Variants in MMP16 observed in about 807,000 individuals in gnomAD.
MMP16 encodes matrix metallopeptidase 16.
Under a neutral mutation model 67.8 loss-of-function variants are expected in MMP16, and 12 were observed. The ratio of observed to expected loss-of-function variants is 0.18; its 90% CI spans 0.11 to 0.29. The LOEUF is 0.29. Ranked by LOEUF, MMP16 falls within the 10% of genes least tolerant of loss-of-function variation. The pLI is 1.00. For missense variants in MMP16, 475 were observed against 765.7 expected (o/e 0.62, Z 4.48); for synonymous variants, 249 against 255.9 (o/e 0.97, Z 0.26).
At chr8:88,186,347 T>C in intron 3 of MMP16, 129 bp downstream of exon 3, 1 of 1,221,442 alleles carries the variant, frequency 8.2e-7, no homozygotes. Flanking sequence ...CAATTTTAAA[T>C]CTCTTATGTT....
intron 5 of MMP16, among the ~76,000 whole-genome samples, chr8:88,117,032 G>A (rs953735969): frequency 6.6e-6 from 1 of 152,032 alleles, no homozygotes; most frequent in African/African-American, 2.4e-5. Context: ...TTTTTTGGAA[G>A]TAGGTGGTAT....
chr8:88,276,017 TA>T (rs1810643988), intron 1 of MMP16, among the ~76,000 whole-genome samples: 1 of 152,094 alleles, frequency 6.6e-6, no homozygotes, highest in Non-Finnish European at 1.5e-5. Flanking sequence ...GTTGTAACAT[TA>T]AAATCCTATT....
At chr8:88,098,192 C>A (rs1809062853) in intron 6 of MMP16, among the ~76,000 whole-genome samples, 1 of 151,942 alleles carries the variant, frequency 6.6e-6, no homozygotes, top group Non-Finnish European at 1.5e-5. Flanking sequence ...ACACATTGGA[C>A]TAAGTGTGAG....
intron 1 of MMP16, among the ~76,000 whole-genome samples, chr8:88,216,662 T>C (rs1278831733): frequency 6.6e-6 from 1 of 152,174 alleles, no homozygotes. Flanking sequence ...AGAATGTCTA[T>C]CAAGTTTGTT....
intron 1 of MMP16, among the ~76,000 whole-genome samples, chr8:88,285,400 G>A (rs13277770): frequency 0.61 from 92,334 of 151,962 alleles, 28,855 homozygotes; most frequent in East Asian, 0.82. Flanking sequence ...TCAGCCTCCC[G>A]AAGTGCTGGG....
rs564026669 is a variant in MMP16 at position 88,190,721 on chromosome 8, T to C, written c.282-4123A>G. On this transcript the variant is annotated intron_variant, in intron 2 of 9. Coordinates refer to ENST00000286614, the MANE Select transcript of MMP16 (RefSeq NM_005941.5). ...CACATACAAAGTTAACATATAAGTG[T>C]ATTTTATACATATATATATATAGCT... Among the ~76,000 whole-genome samples the C allele has an allele frequency of 2.7e-4, 41 of 152,298 alleles. 1 individual carries two copies. In the South Asian group the frequency reaches 8.3e-3, roughly 31 times the overall value.
At chr8:88,268,269 G>A (rs1810509683) in intron 1 of MMP16, among the ~76,000 whole-genome samples, 1 of 152,196 alleles carries the variant, frequency 6.6e-6, no homozygotes, top group African/African-American at 2.4e-5. Context: ...TTGAACCTGG[G>A]AGGTGGAGGT....
At chr8:88,074,495 C>T in intron 7 of MMP16, 110 bp downstream of exon 7, 2 of 914,466 alleles carry the variant, frequency 2.2e-6, no homozygotes. Context: ...TAGTTTATTT[C>T]ATTAAATCCA....
chr8:88,262,301 A>G (rs1436786748), intron 1 of MMP16, among the ~76,000 whole-genome samples: 1 of 152,240 alleles, frequency 6.6e-6, no homozygotes, highest in Non-Finnish European at 1.5e-5. Flanking sequence ...AATTTTTTAA[A>G]TATTTCCTTT....
chr8:88,147,911 C>G (rs1285646958), intron 4 of MMP16, among the ~76,000 whole-genome samples: 2 of 152,088 alleles, frequency 1.3e-5, no homozygotes, highest in African/African-American at 4.8e-5. Flanking sequence ...ACTTTGCATA[C>G]TCTTTCCCCC....
intron 1 of MMP16, among the ~76,000 whole-genome samples, chr8:88,290,516 G>A (rs1373194379): frequency 6.6e-6 from 1 of 151,928 alleles, no homozygotes; most frequent in East Asian, 1.9e-4. Flanking sequence ...TTGTGCCACT[G>A]AACTCCAGCC....
intron 4 of MMP16, among the ~76,000 whole-genome samples, chr8:88,123,080 A>C (rs1807867289): frequency 6.6e-6 from 1 of 151,936 alleles, no homozygotes; most frequent in African/African-American, 2.4e-5. Flanking sequence ...ATGTGAGATA[A>C]TAAATTGTTG....
chr8:88,088,196 T>C (rs1411608226), intron 6 of MMP16, among the ~76,000 whole-genome samples: 1 of 148,674 alleles, frequency 6.7e-6, no homozygotes, highest in Non-Finnish European at 1.5e-5. Flanking sequence ...ACCCACAAAA[T>C]GGTGAGCAAA....
chr8:88,264,434 G>C (rs1389195041), intron 1 of MMP16, among the ~76,000 whole-genome samples: 1 of 152,072 alleles, frequency 6.6e-6, no homozygotes, highest in Non-Finnish European at 1.5e-5. Flanking sequence ...CTCCTGGCCT[G>C]AAGTTCTCCT....
intron 1 of MMP16, among the ~76,000 whole-genome samples, chr8:88,222,076 A>C (rs931722242): frequency 9.2e-5 from 14 of 151,998 alleles, no homozygotes; most frequent in Non-Finnish European, 8.8e-5. Flanking sequence ...ATATAAAAAT[A>C]GCATTTTATT....
chr8:88,085,760 G>C (rs1235848741), intron 6 of MMP16, among the ~76,000 whole-genome samples: 1 of 151,804 alleles, frequency 6.6e-6, no homozygotes, highest in African/African-American at 2.4e-5. Context: ...AAAAGAAAAG[G>C]GAGTTGATAT....
intron 6 of MMP16, among the ~76,000 whole-genome samples, chr8:88,111,799 C>T (rs1299403752): frequency 6.6e-6 from 1 of 151,572 alleles, no homozygotes; most frequent in Non-Finnish European, 1.5e-5. Context: ...GAAACAAAAC[C>T]ACCTTGGCAA....
chr8:88,050,385 C>G (rs1381465041), intron 8 of MMP16, among the ~76,000 whole-genome samples: 1 of 151,978 alleles, frequency 6.6e-6, no homozygotes. Flanking sequence ...GGATCACATC[C>G]TGCATGTGAT....
chr8:88,261,661 G>T (rs1810390099), intron 1 of MMP16, among the ~76,000 whole-genome samples: 1 of 151,852 alleles, frequency 6.6e-6, no homozygotes, highest in South Asian at 2.1e-4. Context: ...CTTAAGACCA[G>T]AGAAGCAACT....
Sources: gnomAD v4.1 joint callset for allele counts (sites outside exome capture counted in the v4.1 genomes callset) on GRCh38, gnomAD v4.1.1 for gene constraint, MANE v1.5 for transcripts, NCBI Gene and HGNC (gene_info 2026-07-23, HGNC 2026-07-21) for gene names.